The following STK32B variants were observed in gnomAD, a reference collection of about 807,000 sequenced individuals.
The protein encoded by STK32B is serine/threonine-protein kinase 32B.
A neutral mutation model predicts 52.6 loss-of-function variants in STK32B; 43 were observed. The observed-to-expected ratio is 0.82, with a 90% confidence interval of 0.64 to 1.05. The LOEUF (loss-of-function observed/expected upper bound fraction) is 1.05, where lower values mean the gene tolerates loss of function less well. STK32B is among the 50% of genes least tolerant of loss of function. The pLI is 0.00. For synonymous variants in STK32B, 238 were observed against 204.3 expected (o/e 1.17, Z -1.41); for missense variants, 621 against 534.6 (o/e 1.16, Z -1.59).
intron 2 of STK32B, among the ~76,000 whole-genome samples, chr4:5,143,111 C>CTGTCTGTCTGTCTGG (rs1716615184): frequency 7.0e-6 from 1 of 143,802 alleles, no homozygotes; most frequent in Non-Finnish European, 1.5e-5. Context: ...CTCTGTCTGT[C>CTGTCTGTCTGTCTGG]TGTCTGTCTG....
intron 3 of STK32B, among the ~76,000 whole-genome samples, chr4:5,176,693 C>G (rs1719931578): frequency 6.6e-6 from 1 of 152,114 alleles, no homozygotes; most frequent in South Asian, 2.1e-4. Context: ...ATCTGCCCAC[C>G]TCAGCCTCCC....
chr4:5,335,858 T>A (rs1340433730), intron 4 of STK32B, among the ~76,000 whole-genome samples: 1 of 151,958 alleles, frequency 6.6e-6, no homozygotes, highest in Non-Finnish European at 1.5e-5. Context: ...TTGTTATAAT[T>A]TCTATTCTTT....
intron 7 of STK32B, 153 bp downstream of exon 7, chr4:5,446,929 G>C (rs902013791): frequency 7.9e-6 from 5 of 635,598 alleles, no homozygotes; most frequent in African/African-American, 7.3e-5. Context: ...CCTGTGTGCC[G>C]CCTATGAACG....
rs141370099 is a variant in STK32B, at chr4:5,110,524, A to C, written c.53-29381A>C. ...AAATGGGAAAAAGACATCCTATTCA[A>C]TAAATGGTGCTGGGAAAACTGGCTG... On this transcript the variant is annotated intron_variant, in intron 1 of 11. Coordinates refer to ENST00000282908, the MANE Select transcript of STK32B (RefSeq NM_018401.3). Among the ~76,000 whole-genome samples, 55 of 151,898 alleles carry C rather than the reference A, an allele frequency of 3.6e-4. No individual in the cohort carries two copies. The Middle Eastern group carries it at 0.031, about 85-fold the overall frequency.
chr4:5,040,384 T>C, the STK32B span, among the ~76,000 whole-genome samples: 2 of 123,444 alleles, frequency 1.6e-5, no homozygotes, highest in Admixed American at 2.2e-4. Flanking sequence ...GCAGTGGCAG[T>C]AGAATTTTTT....
chr4:5,273,785 T>TG (rs1727607106), intron 3 of STK32B, among the ~76,000 whole-genome samples: 1 of 134,974 alleles, frequency 7.4e-6, no homozygotes, highest in South Asian at 2.6e-4. Flanking sequence ...AGGTGGGAAT[T>TG]GAACAGTGAG....
At chr4:5,484,889 T>C (rs1275797052) in intron 11 of STK32B, among the ~76,000 whole-genome samples, 1 of 152,202 alleles carries the variant, frequency 6.6e-6, no homozygotes, top group East Asian at 1.9e-4. Context: ...TTGAAAATTC[T>C]TTTCTTTAAG....
chr4:5,389,496 T>C (rs1285467758), intron 4 of STK32B, among the ~76,000 whole-genome samples: 4 of 152,184 alleles, frequency 2.6e-5, no homozygotes, highest in Non-Finnish European at 5.9e-5. Context: ...CACAGGGCCC[T>C]GATGTCTCCC....
intron 6 of STK32B, among the ~76,000 whole-genome samples, chr4:5,420,661 G>A (rs957032510): frequency 3.3e-5 from 5 of 152,152 alleles, no homozygotes; most frequent in East Asian, 1.9e-4. Flanking sequence ...GCAGAGAACC[G>A]ATTCTGAGGC....
At chr4:5,340,460 G>T (rs1470809638) in intron 4 of STK32B, among the ~76,000 whole-genome samples, 1 of 152,228 alleles carries the variant, frequency 6.6e-6, no homozygotes, top group Non-Finnish European at 1.5e-5. Flanking sequence ...GGTGGGTGGA[G>T]CCTGTATTGC....
intron 4 of STK32B, chr4:5,345,182 T>G (rs1560338671): frequency 6.6e-6 from 1 of 150,580 alleles, no homozygotes; most frequent in Non-Finnish European, 1.5e-5. Context: ...AATTTTAAAG[T>G]AAATTCTTTT....
intron 3 of STK32B, among the ~76,000 whole-genome samples, chr4:5,259,448 G>A (rs1726556216): frequency 6.6e-6 from 1 of 152,140 alleles, no homozygotes; most frequent in South Asian, 2.1e-4. Flanking sequence ...ATTTGATCCT[G>A]GTTCTGCCAC....
chr4:5,081,326 T>G (rs1362027388), intron 1 of STK32B, among the ~76,000 whole-genome samples: 1 of 152,182 alleles, frequency 6.6e-6, no homozygotes, highest in African/African-American at 2.4e-5. Flanking sequence ...ATAGTTTGAT[T>G]GCAATGTGTT....
intron 3 of STK32B, among the ~76,000 whole-genome samples, chr4:5,310,377 A>G (rs553188142): frequency 6.6e-6 from 1 of 152,196 alleles, no homozygotes; most frequent in Non-Finnish European, 1.5e-5. Context: ...AAAATGGCAA[A>G]TGAACTTAAT....
chr4:5,170,498 C>T (rs1457122388), intron 3 of STK32B, among the ~76,000 whole-genome samples: 3 of 151,896 alleles, frequency 2.0e-5, no homozygotes, highest in Non-Finnish European at 2.9e-5. Flanking sequence ...TGTGATGTTC[C>T]CCTTCCTGTG....
rs1010539354 is a variant in STK32B, at chr4:5,301,617, T to C, written c.261-29603T>C. Among the ~76,000 whole-genome samples the C allele has an allele frequency of 3.0e-4, 45 of 151,300 alleles. 1 individual carries two copies. The highest frequency in any genetic ancestry group is 1.0e-3 in the African/African-American group (42 of 41,300). ...TTTATTTCTGTAAAGTTGGTAGTAG[T>C]GTTTTCTTTTTCATTTCAAATTTAA... On this transcript the variant is annotated intron_variant, in intron 3 of 11. Coordinates refer to ENST00000282908, the MANE Select transcript of STK32B (RefSeq NM_018401.3).
chr4:5,485,335 A>G (rs1276088236), intron 11 of STK32B, among the ~76,000 whole-genome samples: 1 of 151,446 alleles, frequency 6.6e-6, no homozygotes, highest in Non-Finnish European at 1.5e-5. Flanking sequence ...CTTTTCATTC[A>G]TTTCATCTTC....
rs1210596036 is a variant in STK32B at position 5,331,220 on chromosome 4, G to C, written c.261G>C (p.Trp87Cys). The C allele has an allele frequency of 1.2e-6, 2 of 1,611,154 alleles. No individual in the cohort carries two copies. Among genetic ancestry groups the C allele is most frequent in the Admixed American group, 1.7e-5 (1 of 59,852 alleles). The change falls in exon 4 of 12, where the codon TGG becomes TGC. Residue 87 changes from tryptophan (W) to cysteine (C), a missense_variant and splice_region_variant. By Grantham distance (215) the Trp-to-Cys change is radical. Coordinates refer to ENST00000282908, the MANE Select transcript of STK32B (RefSeq NM_018401.3). ...CTTCTCTGTCCTTCTGTGCTCCTAGGTACTCCTTCCAGGATGAGGAGGACA... is the reference window on the plus strand; with the variant it reads ...CTTCTCTGTCCTTCTGTGCTCCTAGCTACTCCTTCCAGGATGAGGAGGACA... The part of the protein sequence containing the change: ...GLEHPFLVNL[W>C]YSFQDEEDMF...
intron 2 of STK32B, among the ~76,000 whole-genome samples, chr4:5,146,804 G>C (rs1455751801): frequency 6.6e-6 from 1 of 152,130 alleles, no homozygotes; most frequent in African/African-American, 2.4e-5. Context: ...GCAAGTACTA[G>C]TCTGTCTTAA....
Sources: gnomAD v4.1 joint callset for allele counts (sites outside exome capture counted in the v4.1 genomes callset) on GRCh38, gnomAD v4.1.1 for gene constraint, MANE v1.5 for transcripts, NCBI Gene and HGNC (gene_info 2026-07-23, HGNC 2026-07-21) for gene names.